PLCG2: variants seen among roughly 807,000 people sequenced by gnomAD.
The protein encoded by PLCG2 is phospholipase C gamma 2, also known as 1-phosphatidylinositol 4,5-bisphosphate phosphodiesterase gamma-2.
A neutral mutation model predicts 175.6 loss-of-function variants in PLCG2; 69 were observed. The observed-to-expected ratio is 0.39, with a 90% CI of 0.32 to 0.48. The LOEUF (loss-of-function observed/expected upper bound fraction) is 0.48. Ranked by LOEUF, PLCG2 falls within the 20% of genes least tolerant of loss-of-function variation. The pLI is 0.91. For synonymous variants in PLCG2, 827 were observed against 624.0 expected (o/e 1.33, Z -4.85); for missense variants, 1,798 against 1,650.9 (o/e 1.09, Z -1.54).
chr16:81,748,849 A>T (rs901093195), intron 1 of PLCG2, among the ~76,000 whole-genome samples: 1 of 152,192 alleles, frequency 6.6e-6, no homozygotes, highest in African/African-American at 2.4e-5. Flanking sequence ...CACATTTGAC[A>T]GATTAGGAAA....
At chr16:81,815,821 G>A (rs1349250500) in intron 2 of PLCG2, among the ~76,000 whole-genome samples, 1 of 152,208 alleles carries the variant, frequency 6.6e-6, no homozygotes, top group East Asian at 1.9e-4. Flanking sequence ...AGCACTTTGG[G>A]AGGCCAAGGT....
chr16:81,957,617 T>C (rs1300841355), intron 32 of PLCG2, among the ~76,000 whole-genome samples: 2 of 152,180 alleles, frequency 1.3e-5, no homozygotes, highest in Non-Finnish European at 2.9e-5. Context: ...AAGTGTTTCA[T>C]AATATGTCTA....
intron 2 of PLCG2, among the ~76,000 whole-genome samples, chr16:81,810,369 C>G (rs1214013760): frequency 6.6e-6 from 1 of 152,220 alleles, no homozygotes; most frequent in East Asian, 1.9e-4. Flanking sequence ...CCGTTTTTCT[C>G]TCAGCATCTA....
intron 5 of PLCG2, among the ~76,000 whole-genome samples, chr16:81,863,157 T>A (rs1907065550): frequency 6.6e-6 from 1 of 152,232 alleles, no homozygotes; most frequent in African/African-American, 2.4e-5. Flanking sequence ...CAGAACTTTT[T>A]ATCATCTCAA....
intron 5 of PLCG2, among the ~76,000 whole-genome samples, chr16:81,859,788 G>T (rs774882918): frequency 3.3e-5 from 5 of 152,074 alleles, no homozygotes; most frequent in Non-Finnish European, 7.4e-5. Flanking sequence ...CGCCCACCTT[G>T]GCCTCCCAAA....
intron 27 of PLCG2, 128 bp from the exon 28 acceptor site, chr16:81,937,630 C>G: frequency 2.8e-6 from 2 of 720,592 alleles, no homozygotes; most frequent in South Asian, 2.0e-5. Flanking sequence ...AGTGAGATAC[C>G]TATTTGAACA....
Position 81,891,497 on chromosome 16 carries a change from A to G in PLCG2, c.893A>G (p.Glu298Gly). ...DEFLTYLFSRENSIWDEKYDA... is the reference protein window; with the variant it reads ...DEFLTYLFSRGNSIWDEKYDA... Reference sequence around the variant, plus strand: ...TTCCTCACGTACCTGTTTTCACGAGAAAACAGCATCTGGGATGAGAAGTAT... The same window carrying G: ...TTCCTCACGTACCTGTTTTCACGAGGAAACAGCATCTGGGATGAGAAGTAT... Residue 298 changes from glutamate (E) to glycine (G), a missense_variant, in exon 11 of 33, where the codon GAA (glutamate) becomes GGA (glycine). Physicochemically the swap from Glu to Gly is moderately conservative, Grantham distance 98. Transcript: ENST00000564138. 2 of 1,608,648 alleles carry G rather than the reference A, an allele frequency of 1.2e-6. No individual in the cohort carries two copies. Among genetic ancestry groups the G allele is most frequent in the Non-Finnish European group, 1.7e-6 (2 of 1,175,026 alleles).
intron 2 of PLCG2, among the ~76,000 whole-genome samples, chr16:81,815,042 C>T (rs538498684): frequency 6.6e-6 from 1 of 152,326 alleles, no homozygotes; most frequent in Admixed American, 6.5e-5. Context: ...GACAAATCTT[C>T]CAAGGCAAAA....
chr16:81,953,583 A>G (rs970432281), intron 31 of PLCG2, among the ~76,000 whole-genome samples: 5 of 152,204 alleles, frequency 3.3e-5, no homozygotes, highest in African/African-American at 1.2e-4. Context: ...CAAAAGCTTC[A>G]TTTTCTAATA....
At chr16:81,905,054 A>AT (rs1386300079) in intron 14 of PLCG2, among the ~76,000 whole-genome samples, 2 of 152,070 alleles carry the variant, frequency 1.3e-5, no homozygotes, top group Non-Finnish European at 2.9e-5. Context: ...TGCCCGGCTA[A>AT]TTTTTTTATT....
At chr16:81,838,896 C>T (rs968070147) in intron 2 of PLCG2, among the ~76,000 whole-genome samples, 5 of 151,916 alleles carry the variant, frequency 3.3e-5, no homozygotes, top group East Asian at 1.9e-4. Flanking sequence ...GGCCATTCCT[C>T]GGGTCCCGGT....
At chr16:81,956,193 T>C (rs994587368) in intron 31 of PLCG2, among the ~76,000 whole-genome samples, 5 of 152,338 alleles carry the variant, frequency 3.3e-5, no homozygotes, top group East Asian at 3.9e-4. Context: ...CTTAGCATAA[T>C]GTTTTCAAGG....
intron 2 of PLCG2, among the ~76,000 whole-genome samples, chr16:81,827,431 C>T (rs989211274): frequency 6.6e-6 from 1 of 151,990 alleles, no homozygotes; most frequent in Non-Finnish European, 1.5e-5. Context: ...TCAAGGAGTT[C>T]ACCTGTCTTG....
chr16:81,766,453 C>G (rs925883277), intron 2 of PLCG2, among the ~76,000 whole-genome samples: 1 of 151,752 alleles, frequency 6.6e-6, no homozygotes, highest in Non-Finnish European at 1.5e-5. Flanking sequence ...TCCAGGCCCT[C>G]ACTTAGCCAG....
Position 81,936,172 on chromosome 16 carries a change from A to G in PLCG2, c.2846A>G (p.Asn949Ser), listed in dbSNP as rs775749323. 1 of 1,613,970 alleles carries G rather than the reference A, an allele frequency of 6.2e-7. No individual in the cohort carries two copies. Among genetic ancestry groups the G allele is most frequent in the East Asian group, 2.2e-5 (1 of 44,878 alleles). ...TGACCTTTTTCTCTGTGTGCAGAAA[A>G]TCCTGACTTCCGAGAAATCCGCTCC... ...PTSKTKDNLE[N>S]PDFREIRSFV... The change falls in exon 27 of 33, where the codon AAT becomes AGT. Residue 949 changes from asparagine (N) to serine (S), a missense_variant. Coordinates refer to ENST00000564138, the MANE Select transcript of PLCG2 (RefSeq NM_002661.5).
At chr16:81,784,069 A>G (rs1257608793) in intron 1 of PLCG2, among the ~76,000 whole-genome samples, 1 of 152,136 alleles carries the variant, frequency 6.6e-6, no homozygotes, top group African/African-American at 2.4e-5. Context: ...TTGTAACTAC[A>G]TTAGAATTCT....
At chr16:81,885,316 G>T (rs565236361) in intron 9 of PLCG2, among the ~76,000 whole-genome samples, 12 of 104,070 alleles carry the variant, frequency 1.2e-4, no homozygotes, top group Non-Finnish European at 2.0e-4. Flanking sequence ...GAGCCACCAC[G>T]CCCAGCCCCG....
At chr16:81,905,316 C>T in intron 14 of PLCG2, 87 bp from the exon 15 acceptor site, 1 of 863,132 alleles carries the variant, frequency 1.2e-6, no homozygotes, top group Non-Finnish European at 1.9e-6. Context: ...AAGGCCCTGC[C>T]TGGGAAGAGG....
chr16:81,912,794 C>A lies in PLCG2; in HGVS notation c.2054+78C>A, dbSNP rs1157053733. The stretch of plus-strand genomic sequence containing the variant: ...GATGCGGAGAGACAAGGGGGAACTT[C>A]AGGTGGAGGCTCACCTGCAGTGCCC... On this transcript the variant is annotated intron_variant, in intron 19 of 32. Coordinates refer to ENST00000564138, the MANE Select transcript of PLCG2 (RefSeq NM_002661.5). 3 of 1,471,882 alleles carry A rather than the reference C, an allele frequency of 2.0e-6. No individual in the cohort carries two copies. In the Admixed American group the frequency reaches 7.6e-5, roughly 37 times the overall value. The allele number at this position is 1,471,882 out of a possible 1,614,324, so 91.2% of individuals were successfully genotyped here.
Sources: allele counts gnomAD v4.1 joint callset (sites outside exome capture counted in the v4.1 genomes callset), GRCh38; gene constraint gnomAD v4.1.1; transcripts MANE v1.5; gene names NCBI Gene and HGNC (gene_info 2026-07-23, HGNC 2026-07-21).